Variants in PKNOX2 observed in about 807,000 individuals in gnomAD.
The protein encoded by PKNOX2 is homeobox protein PKNOX2.
PKNOX2 carries 14 observed loss-of-function variants against 53.1 expected under a neutral mutation model. The observed-to-expected ratio is 0.26, with a 90% CI of 0.17 to 0.41. The LOEUF is 0.41. Among genes scored for constraint, PKNOX2 ranks in the 10% least tolerant of loss-of-function variants. The pLI, the probability that PKNOX2 is intolerant of heterozygous loss-of-function variation, is 1.00. For synonymous variants in PKNOX2, 257 were observed against 242.8 expected, an observed-to-expected ratio of 1.06 and a Z score of -0.54; for missense variants, 496 against 602.8, an observed-to-expected ratio of 0.82 and a Z score of 1.85.
At chr11:125,274,954 A>G (rs921286367) in intron 2 of PKNOX2, among the ~76,000 whole-genome samples, 6 of 152,184 alleles carry the variant, frequency 3.9e-5, no homozygotes, top group Admixed American at 3.9e-4. Flanking sequence ...ATCTAGCCAT[A>G]AATCGCTTCC....
At chr11:125,178,676 AAGAGAG>A (rs55812201) in intron 1 of PKNOX2, among the ~76,000 whole-genome samples, 5 of 98,806 alleles carry the variant, frequency 5.1e-5, no homozygotes, top group Admixed American at 8.6e-5. Context: ...GAAGGAAAGA[AAGAGAG>A]AGAGAGAGAG....
At chr11:125,418,318 G>A (rs1955996637) in intron 10 of PKNOX2, among the ~76,000 whole-genome samples, 1 of 152,074 alleles carries the variant, frequency 6.6e-6, no homozygotes, top group Non-Finnish European at 1.5e-5. Flanking sequence ...CCATGGTACA[G>A]ATGTAGCACA....
intron 6 of PKNOX2, among the ~76,000 whole-genome samples, chr11:125,389,266 A>G (rs1254675860): frequency 6.6e-6 from 1 of 152,328 alleles, no homozygotes; most frequent in East Asian, 1.9e-4. Context: ...AGCCTGGGAT[A>G]TAAGTTCACA....
intron 2 of PKNOX2, among the ~76,000 whole-genome samples, chr11:125,312,740 G>A (rs1189194220): frequency 1.3e-5 from 2 of 152,190 alleles, no homozygotes; most frequent in Admixed American, 1.3e-4. Flanking sequence ...CAATTCAGCG[G>A]GCTCAGCAGC....
rs1423826220 is a variant in PKNOX2 at position 125,165,281 on chromosome 11, T to TGCGCCAGGA, written c.-201+514_-201+522dup. ...CCCGTAGCGGGCGGGCGGGGAGCTG[T>TGCGCCAGGA]GCGCCAGGAGCGCCAGGGGACCCGA... On this transcript the variant is annotated intron_variant, in intron 1 of 12. Coordinates refer to ENST00000298282, the MANE Select transcript of PKNOX2 (RefSeq NM_001382323.2). The surrounding 1 kb of genome is among the most constrained non-coding windows in gnomAD (Gnocchi z 4.5). 6.6e-6 allele frequency among the ~76,000 whole-genome samples: 1 copy of TGCGCCAGGA among 152,006 alleles called. No homozygotes were observed. The highest frequency in any genetic ancestry group is 2.4e-5 in the African/African-American group (1 of 41,496).
At chr11:125,284,047 G>T (rs1946742203) in intron 2 of PKNOX2, among the ~76,000 whole-genome samples, 2 of 152,178 alleles carry the variant, frequency 1.3e-5, no homozygotes, top group Non-Finnish European at 2.9e-5. Context: ...TCAGGCAAAT[G>T]ATGTAACCTC....
chr11:125,406,917 TAAAAAAAAAAAAAAAAA>T (rs67687488), intron 7 of PKNOX2, among the ~76,000 whole-genome samples: 80 of 41,724 alleles, frequency 1.9e-3, no homozygotes, highest in East Asian at 2.2e-3. Context: ...AATCTATGTC[TAAAAAAAAAAAAAAAAA>T]AAAAAAAAAA....
At chr11:125,405,250 A>T (rs1392852722) in intron 7 of PKNOX2, among the ~76,000 whole-genome samples, 9 of 146,292 alleles carry the variant, frequency 6.2e-5, no homozygotes, top group African/African-American at 2.5e-4. Flanking sequence ...GTAAGATAAA[A>T]ATTCCACCTA....
At chr11:125,284,050 G>A (rs1946742475) in intron 2 of PKNOX2, among the ~76,000 whole-genome samples, 1 of 152,184 alleles carries the variant, frequency 6.6e-6, no homozygotes, top group South Asian at 2.1e-4. Flanking sequence ...GGCAAATGAT[G>A]TAACCTCTCT....
intron 2 of PKNOX2, among the ~76,000 whole-genome samples, chr11:125,246,002 C>A (rs1353871427): frequency 6.6e-6 from 1 of 152,154 alleles, no homozygotes; most frequent in African/African-American, 2.4e-5. Context: ...GGATAGGAGG[C>A]TACTGTGGAC....
rs919814876 is a variant in PKNOX2 at position 125,401,973 on chromosome 11, T to C, written c.588+3911T>C. Among the ~76,000 whole-genome samples the C allele has an allele frequency of 5.9e-5, 9 of 152,296 alleles. 1 individual carries two copies. In the South Asian group the frequency reaches 1.7e-3, roughly 28 times the overall value. On this transcript the variant is annotated intron_variant, in intron 7 of 12. Coordinates refer to ENST00000298282, the MANE Select transcript of PKNOX2 (RefSeq NM_001382323.2). ...CAAACTGCTGGCTCATGGTTTTCCC[T>C]GTGTGCTAATCATCCAGCCTTGTGT... is the stretch of plus-strand genomic sequence containing the variant.
chr11:125,394,840 G>A lies in PKNOX2; in HGVS notation c.400-3034G>A, dbSNP rs144210568. Among the ~76,000 whole-genome samples, 718 of 152,302 alleles carry A rather than the reference G, an allele frequency of 4.7e-3. 9 individuals are homozygous for A. The highest frequency in any genetic ancestry group is 0.016 in the African/African-American group (683 of 41,552). On this transcript the variant is annotated intron_variant, in intron 6 of 12. Coordinates refer to ENST00000298282, the MANE Select transcript of PKNOX2 (RefSeq NM_001382323.2). Reference sequence around the variant, plus strand: ...TTTTGATATAAATGTAGATTCACATGCAGTTATAAGAACTCATACAGAGAG... The same window carrying A: ...TTTTGATATAAATGTAGATTCACATACAGTTATAAGAACTCATACAGAGAG...
intron 2 of PKNOX2, among the ~76,000 whole-genome samples, chr11:125,246,817 C>T (rs1250991590): frequency 6.6e-6 from 1 of 152,256 alleles, no homozygotes; most frequent in East Asian, 1.9e-4. Flanking sequence ...GTGCTTTGAT[C>T]CTGGGCATTA....
chr11:125,431,278 G>C lies in PKNOX2; in HGVS notation c.1305G>C (p.Glu435Asp). 1 of 1,613,606 alleles carries C rather than the reference G, an allele frequency of 6.2e-7. No homozygotes were observed. Residue 435 changes from glutamate (E) to aspartate (D), a missense_variant, in exon 13 of 13, where the codon GAG becomes GAC. This residue lies in a region of PKNOX2 where 139 missense variants were observed against 161.3 expected (regional missense o/e 0.86). Transcript: ENST00000298282. ...ACTCATTGGATGGGACAGAAGAAGA[G>C]GATGAGGATGAGATGGAAGAGGAGG... ...HDDSLDGTEE[E>D]DEDEMEEEEE...
chr11:125,249,697 A>G (rs1943849721), intron 2 of PKNOX2, among the ~76,000 whole-genome samples: 1 of 152,210 alleles, frequency 6.6e-6, no homozygotes. Context: ...AACAAATCCC[A>G]TGCAGATACC....
At chr11:125,330,462 C>T (rs1950074952) in intron 2 of PKNOX2, 1 of 152,112 alleles carries the variant, frequency 6.6e-6, no homozygotes, top group African/African-American at 2.4e-5. Context: ...TCTCTTATGT[C>T]CTCTTGGAAG....
intron 4 of PKNOX2, among the ~76,000 whole-genome samples, chr11:125,355,760 C>T (rs1373684309): frequency 6.6e-6 from 1 of 152,132 alleles, no homozygotes; most frequent in Non-Finnish European, 1.5e-5. Flanking sequence ...AGAATCCCAG[C>T]AAGTGTCACT....
chr11:125,349,837 TCA>T (rs60332384), intron 3 of PKNOX2, among the ~76,000 whole-genome samples: 4,112 of 137,862 alleles, frequency 0.03, 62 homozygotes, highest in South Asian at 0.066. Flanking sequence ...ACCAAAAGAA[TCA>T]CACACACACA....
intron 10 of PKNOX2, among the ~76,000 whole-genome samples, chr11:125,428,550 C>A (rs1235673801): frequency 6.6e-6 from 1 of 152,196 alleles, no homozygotes; most frequent in Non-Finnish European, 1.5e-5. Flanking sequence ...TAGCATAAAT[C>A]TGGGCACATA....
Sources: gnomAD v4.1 joint callset for allele counts (sites outside exome capture counted in the v4.1 genomes callset) on GRCh38, gnomAD v4.1.1 for gene constraint, gnomAD v4.1.1 regional missense constraint, Gnocchi (gnomAD v3.1) non-coding constraint, MANE v1.5 for transcripts, NCBI Gene and HGNC (gene_info 2026-07-23, HGNC 2026-07-21) for gene names.